ZNF532: variants seen among roughly 807,000 people sequenced by gnomAD.
ZNF532 encodes the protein zinc finger protein 532.
ZNF532 carries 22 observed loss-of-function variants against 89.3 expected under a neutral mutation model. That is an observed-to-expected ratio of 0.25 (90% CI 0.18 to 0.35). The LOEUF is 0.35. Ranked by LOEUF, ZNF532 falls within the 10% of genes least tolerant of loss-of-function variation. The probability of loss-of-function intolerance (pLI) is 1.00; values close to 1 mark genes in which losing one functional copy is unlikely to be tolerated. For missense variants in ZNF532, 1,132 were observed against 1,643.4 expected (o/e 0.69, Z 5.38); for synonymous variants, 606 against 649.6 (o/e 0.93, Z 1.02).
intron 2 of ZNF532, among the ~76,000 whole-genome samples, chr18:58,888,168 T>C (rs764705129): frequency 1.5e-4 from 23 of 152,056 alleles, no homozygotes; most frequent in Non-Finnish European, 2.9e-4. Flanking sequence ...TTATTTTATA[T>C]AGGCAGACAG....
chr18:58,984,342 T>C lies in ZNF532; in HGVS notation c.3782T>C (p.Val1261Ala). ...SHEDESPDGA[V>A]SDRKCKVCAK... is the part of the protein sequence containing the mutation. ...GAGGATGAATCCCCTGATGGCGCCGTGTCAGACAGAAAGTGCAAAGTGTGC... is the reference window on the plus strand; with the variant it reads ...GAGGATGAATCCCCTGATGGCGCCGCGTCAGACAGAAAGTGCAAAGTGTGC... Residue 1261 changes from valine (V) to alanine (A), a missense_variant, in exon 10 of 10, where the codon GTG becomes GCG. Coordinates refer to ENST00000591808, the MANE Select transcript of ZNF532 (RefSeq NM_001375912.1). The C allele has an allele frequency of 1.9e-6, 3 of 1,611,998 alleles. No homozygotes were observed. The African/African-American group carries it at 4.0e-5, about 22-fold the overall frequency.
At chr18:58,915,969 T>G (rs1410427969) in intron 2 of ZNF532, among the ~76,000 whole-genome samples, 2 of 152,176 alleles carry the variant, frequency 1.3e-5, no homozygotes, top group East Asian at 1.9e-4. Flanking sequence ...AAAGAAAGAG[T>G]TGGGGGACTA....
At chr18:58,894,577 C>T (rs369961413) in intron 2 of ZNF532, among the ~76,000 whole-genome samples, 3 of 151,882 alleles carry the variant, frequency 2.0e-5, no homozygotes, top group Non-Finnish European at 2.9e-5. Context: ...AACCATGGCT[C>T]GTTGTGGGTA....
chr18:58,866,803 G>T (rs1799718281), intron 2 of ZNF532, among the ~76,000 whole-genome samples: 1 of 152,226 alleles, frequency 6.6e-6, no homozygotes, highest in African/African-American at 2.4e-5. Context: ...GATAAAACTG[G>T]CAAAAGGGAA....
At chr18:58,872,717 T>G (rs2057094387) in intron 2 of ZNF532, among the ~76,000 whole-genome samples, 1 of 145,532 alleles carries the variant, frequency 6.9e-6, no homozygotes, top group Non-Finnish European at 1.5e-5. Flanking sequence ...TTTTTTTTTT[T>G]GAGACCGAGT....
At position 58,892,175 on chromosome 18, in the gene ZNF532, C is replaced by T. The variant is rs189669088; in HGVS notation, c.-17-26096C>T. 4.6e-5 allele frequency among the ~76,000 whole-genome samples: 7 copies of T among 152,248 alleles called. No individual in the cohort carries two copies. In the East Asian group the frequency reaches 1.3e-3, roughly 29 times the overall value. ...AACATATATCTTCAGGATTTTAAAG[C>T]AAAAGAGTGAAACACAACACTGTGT... On this transcript the variant is annotated intron_variant, in intron 2 of 9. Coordinates refer to ENST00000591808, the MANE Select transcript of ZNF532 (RefSeq NM_001375912.1).
At chr18:58,939,646 T>C in intron 5 of ZNF532, 25 bp downstream of exon 5, 1 of 1,599,476 alleles carries the variant, frequency 6.3e-7, no homozygotes, top group South Asian at 1.1e-5. Context: ...CTTTCAAGTT[T>C]TACTCCACTG....
At chr18:58,941,958 C>T (rs187571296) in intron 5 of ZNF532, among the ~76,000 whole-genome samples, 7 of 135,100 alleles carry the variant, frequency 5.2e-5, no homozygotes, top group Admixed American at 5.1e-4. Context: ...TTTCCTCCCT[C>T]CCTCTCTCCC....
chr18:58,938,204 G>C (rs1453665193), intron 4 of ZNF532, among the ~76,000 whole-genome samples: 1 of 152,092 alleles, frequency 6.6e-6, no homozygotes, highest in East Asian at 1.9e-4. Context: ...TTCCTTCCCT[G>C]GGTAGCTCAC....
Position 58,888,888 on chromosome 18 carries a change from A to T in ZNF532, c.-18+23309A>T, listed in dbSNP as rs865802795. Among the ~76,000 whole-genome samples, 10 of 45,410 alleles carry T rather than the reference A, an allele frequency of 2.2e-4. 1 individual carries two copies. Among genetic ancestry groups the T allele is most frequent in the African/African-American group, 7.2e-4 (7 of 9,738 alleles). 29.8% of individuals were successfully genotyped at this position (45,410 alleles called of 152,430 possible). A position where few individuals can be genotyped will look rare whatever the true frequency, so the allele number is the denominator to read the frequency against. On this transcript the variant is annotated intron_variant, in intron 2 of 9. Transcript: ENST00000591808. ...TATATAATATATATTATATATATAT[A>T]TTTTATATATATATATATATATATA...
chr18:58,913,880 G>A (rs908065130), intron 2 of ZNF532, among the ~76,000 whole-genome samples: 1 of 152,230 alleles, frequency 6.6e-6, no homozygotes. Context: ...TAGGGAACCA[G>A]CGTTTTCACA....
intron 2 of ZNF532, among the ~76,000 whole-genome samples, chr18:58,904,440 C>T (rs1403903120): frequency 1.3e-5 from 2 of 151,752 alleles, no homozygotes; most frequent in Non-Finnish European, 2.9e-5. Context: ...AAATGTACAC[C>T]TGGCTATATT....
chr18:58,866,592 T>C (rs2144395783), intron 2 of ZNF532, among the ~76,000 whole-genome samples: 1 of 152,250 alleles, frequency 6.6e-6, no homozygotes, highest in East Asian at 1.9e-4. Context: ...AAAATAAAAT[T>C]TTCCCCTACT....
intron 2 of ZNF532, among the ~76,000 whole-genome samples, chr18:58,909,988 C>A (rs1207248795): frequency 6.6e-6 from 1 of 152,072 alleles, no homozygotes; most frequent in Non-Finnish European, 1.5e-5. Context: ...TGTTTGTAAT[C>A]CCTGTGTTTT....
At chr18:58,922,318 CTGGTT>C (rs2061170238) in intron 3 of ZNF532, among the ~76,000 whole-genome samples, 1 of 152,076 alleles carries the variant, frequency 6.6e-6, no homozygotes, top group Non-Finnish European at 1.5e-5. Context: ...AGGGTAATTA[CTGGTT>C]TAAGTTCTTT....
intron 7 of ZNF532, among the ~76,000 whole-genome samples, chr18:58,964,813 C>A (rs954465350): frequency 6.6e-6 from 1 of 151,644 alleles, no homozygotes; most frequent in Non-Finnish European, 1.5e-5. Flanking sequence ...GTCTTTGTTG[C>A]CCAGGCTTGT....
At chr18:58,927,273 C>T (rs1424910471) in intron 3 of ZNF532, among the ~76,000 whole-genome samples, 1 of 152,200 alleles carries the variant, frequency 6.6e-6, no homozygotes, top group Non-Finnish European at 1.5e-5. Context: ...CAGCTCATTA[C>T]AGTCTCAAGA....
At chr18:58,912,298 A>G (rs921221862) in intron 2 of ZNF532, among the ~76,000 whole-genome samples, 6 of 152,362 alleles carry the variant, frequency 3.9e-5, no homozygotes, top group Admixed American at 2.0e-4. Context: ...GATTGGTATC[A>G]TCAGGTTTAA....
chr18:58,871,961 T>C (rs191460837), intron 2 of ZNF532, among the ~76,000 whole-genome samples: 3 of 152,368 alleles, frequency 2.0e-5, no homozygotes, highest in Admixed American at 6.5e-5. Flanking sequence ...CCGAGAAGAA[T>C]CTTTTGTTCC....
Sources: gnomAD v4.1 joint callset for allele counts (sites outside exome capture counted in the v4.1 genomes callset) on GRCh38, gnomAD v4.1.1 for gene constraint, MANE v1.5 for transcripts, NCBI Gene and HGNC (gene_info 2026-07-23, HGNC 2026-07-21) for gene names.